Variants in SLC17A1 observed in about 807,000 individuals in gnomAD.
SLC17A1 encodes sodium-dependent phosphate transport protein 1.
Under a neutral mutation model 53.5 loss-of-function variants are expected in SLC17A1, and 51 were observed. The observed-to-expected ratio is 0.95, with a 90% CI of 0.76 to 1.20. SLC17A1 has a LOEUF of 1.20. SLC17A1 is among the 50% of genes most tolerant of loss of function. SLC17A1 has a pLI of 0.00. For missense variants in SLC17A1, 538 were observed against 568.2 expected, an observed-to-expected ratio of 0.95 and a Z score of 0.54; for synonymous variants, 179 against 198.8, an observed-to-expected ratio of 0.90 and a Z score of 0.84.
At chr6:25,727,380 G>T in the SLC17A1 span, 16 of 1,134,260 alleles carry the variant, frequency 1.4e-5, no homozygotes, top group Non-Finnish European at 2.0e-5. Flanking sequence ...TCGTTTTTGT[G>T]TAGTTTCTAA....
At chr6:25,791,200 C>T (rs914195751) in intron 12 of SLC17A1, among the ~76,000 whole-genome samples, 2 of 152,058 alleles carry the variant, frequency 1.3e-5, no homozygotes, top group African/African-American at 4.8e-5. Context: ...CAATTTCTCC[C>T]CATTGGATTT....
chr6:25,741,776 C>T, the SLC17A1 span, among the ~76,000 whole-genome samples: 3 of 152,046 alleles, frequency 2.0e-5, no homozygotes, highest in East Asian at 3.9e-4. Flanking sequence ...TTGTGCATGC[C>T]TGTAATCCCA....
At chr6:25,738,715 A>G in the SLC17A1 span, among the ~76,000 whole-genome samples, 1 of 152,202 alleles carries the variant, frequency 6.6e-6, no homozygotes, top group Non-Finnish European at 1.5e-5. Flanking sequence ...CCAGTAAAAA[A>G]TGAACAATAT....
the SLC17A1 span, among the ~76,000 whole-genome samples, chr6:25,742,678 C>T: frequency 1.3e-5 from 2 of 152,034 alleles, no homozygotes; most frequent in African/African-American, 4.8e-5. Context: ...GTGGCACACA[C>T]CTGTAGTCCT....
chr6:25,739,551 G>C, the SLC17A1 span, among the ~76,000 whole-genome samples: 1 of 152,102 alleles, frequency 6.6e-6, no homozygotes, highest in Admixed American at 6.5e-5. Context: ...TCCTTTAAAT[G>C]AGTGAATGTT....
intron 6 of SLC17A1, among the ~76,000 whole-genome samples, chr6:25,818,365 G>C (rs756704509): frequency 1.3e-5 from 2 of 152,080 alleles, no homozygotes; most frequent in Non-Finnish European, 2.9e-5. Flanking sequence ...TAGATATTCC[G>C]AGCTCCTGTA....
At chr6:25,813,891 C>T (rs1764246537) in intron 6 of SLC17A1, among the ~76,000 whole-genome samples, 1 of 152,204 alleles carries the variant, frequency 6.6e-6, no homozygotes, top group African/African-American at 2.4e-5. Flanking sequence ...CAGCTCCATC[C>T]ATTTCCCTGC....
Position 25,813,165 on chromosome 6 carries a change from T to C in SLC17A1, c.665A>G (p.Asp222Gly). 2 of 1,614,160 alleles carry C rather than the reference T, an allele frequency of 1.2e-6. 1 individual carries two copies. Among genetic ancestry groups the C allele is most frequent in the Non-Finnish European group, 1.7e-6 (2 of 1,180,024 alleles). Residue 222 changes from aspartate (D) to glycine (G), a missense_variant, in exon 7 of 13, where the codon GAT (aspartate) becomes GGT (glycine). Physicochemically the swap from Asp to Gly is moderately conservative, Grantham distance 94. Transcript: ENST00000244527. ...TATACATGGGTGGTCTTTGGGGTCA[T>C]CATAAAACAGAACGAACCAGAGAAG... ...VCLLWFVLFY[D>G]DPKDHPCISI...
At chr6:25,740,872 G>A in the SLC17A1 span, among the ~76,000 whole-genome samples, 1 of 152,156 alleles carries the variant, frequency 6.6e-6, no homozygotes. Context: ...GTCATTAGCA[G>A]CAACGTGGGC....
At chr6:25,823,394 G>C (rs781604465) in intron 3 of SLC17A1, among the ~76,000 whole-genome samples, 7 of 152,138 alleles carry the variant, frequency 4.6e-5, no homozygotes, top group Non-Finnish European at 8.8e-5. Flanking sequence ...AAATGACAAA[G>C]TGTATTCCAA....
At chr6:25,730,097 T>C in the SLC17A1 span, among the ~76,000 whole-genome samples, 6 of 152,182 alleles carry the variant, frequency 3.9e-5, no homozygotes, top group Non-Finnish European at 2.9e-5. Flanking sequence ...GAAAACAGTA[T>C]AGAATTTCCT....
At chr6:25,764,084 C>T in the SLC17A1 span, among the ~76,000 whole-genome samples, 1 of 152,154 alleles carries the variant, frequency 6.6e-6, no homozygotes, top group South Asian at 2.1e-4. Flanking sequence ...GGAGGACACC[C>T]CAAAGTCACA....
At position 25,798,923 on chromosome 6, in the gene SLC17A1, A is replaced by T; in HGVS notation, c.1270-4T>A. The T allele has an allele frequency of 6.4e-7, 1 of 1,552,266 alleles. No homozygotes were observed. Among genetic ancestry groups the T allele is most frequent in the Non-Finnish European group, 8.8e-7 (1 of 1,139,318 alleles). Reference sequence around the variant, plus strand: ...TAAACCAGGCGGATTCCGGATCCTAAGGAATTAAAATTCAAAGTAATTGTA... The same window carrying T: ...TAAACCAGGCGGATTCCGGATCCTATGGAATTAAAATTCAAAGTAATTGTA... On this transcript the variant is annotated splice_region_variant and splice_polypyrimidine_tract_variant and intron_variant, in intron 11 of 12. Transcript: ENST00000244527.
chr6:25,817,727 G>A (rs370556749), intron 6 of SLC17A1, among the ~76,000 whole-genome samples: 2 of 152,152 alleles, frequency 1.3e-5, no homozygotes, highest in African/African-American at 4.8e-5. Context: ...CTGCTCCCCT[G>A]CTCCGCCGTA....
the SLC17A1 span, among the ~76,000 whole-genome samples, chr6:25,761,258 A>G: frequency 6.6e-6 from 1 of 152,224 alleles, no homozygotes; most frequent in Non-Finnish European, 1.5e-5. Context: ...TTGAAAGGGG[A>G]AGAGCCTCTG....
chr6:25,726,679 AT>A, the SLC17A1 span: 5 of 1,125,650 alleles, frequency 4.4e-6, no homozygotes, highest in Non-Finnish European at 6.3e-6. Context: ...CCTCATTTGC[AT>A]TCACGCCACT....
At chr6:25,820,948 T>C (rs1764538813) in intron 3 of SLC17A1, among the ~76,000 whole-genome samples, 1 of 151,032 alleles carries the variant, frequency 6.6e-6, no homozygotes, top group Admixed American at 6.6e-5. Context: ...AATATTGAAT[T>C]TATTGTTGAG....
At chr6:25,775,832 T>C in the SLC17A1 span, among the ~76,000 whole-genome samples, 137,419 of 152,228 alleles carry the variant, frequency 0.9, 62,220 homozygotes, top group East Asian at 0.98. Context: ...ACAGTATACT[T>C]AGTAATATGC....
chr6:25,789,530 A>T (rs1387245426), intron 12 of SLC17A1, among the ~76,000 whole-genome samples: 1 of 152,188 alleles, frequency 6.6e-6, no homozygotes, highest in Admixed American at 6.5e-5. Context: ...AAAACCTGAT[A>T]GGCCCCACCT....
Sources: allele counts gnomAD v4.1 joint callset (sites outside exome capture counted in the v4.1 genomes callset), GRCh38; gene constraint gnomAD v4.1.1; transcripts MANE v1.5; gene names NCBI Gene and HGNC (gene_info 2026-07-23, HGNC 2026-07-21).